The following HMGCLL1 variants were observed in gnomAD, a reference collection of about 807,000 sequenced individuals.
HMGCLL1 encodes the protein 3-hydroxy-3-methylglutaryl-CoA lyase like 1.
HMGCLL1 carries 36 observed loss-of-function variants against 39.1 expected under a neutral mutation model. That is an observed-to-expected ratio of 0.92 (90% CI 0.71 to 1.22). The LOEUF is 1.22. HMGCLL1 is among the 50% of genes most tolerant of loss of function. The pLI is 0.00. For synonymous variants in HMGCLL1, 149 were observed against 144.0 expected, an observed-to-expected ratio of 1.03 and a Z score of -0.25; for missense variants, 451 against 416.5, an observed-to-expected ratio of 1.08 and a Z score of -0.72.
rs906188245 is a variant in HMGCLL1 at position 55,571,379 on chromosome 6, A to G, written c.108+7569T>C. On this transcript the variant is annotated intron_variant, in intron 1 of 8. Transcript: ENST00000274901. ...ACTGAATTCATTCTTTAAAATATATATTTTGCTCTAAACAATAGTACTGAT... is the reference window on the plus strand; with the variant it reads ...ACTGAATTCATTCTTTAAAATATATGTTTTGCTCTAAACAATAGTACTGAT... Among the ~76,000 whole-genome samples the G allele has an allele frequency of 3.3e-5, 5 of 152,182 alleles. No individual in the cohort carries two copies. The South Asian group carries it at 1.0e-3, about 31-fold the overall frequency.
At chr6:55,675,917 A>G in the HMGCLL1 span, among the ~76,000 whole-genome samples, 1 of 152,094 alleles carries the variant, frequency 6.6e-6, no homozygotes, top group Non-Finnish European at 1.5e-5. Context: ...TTTATTACTC[A>G]TTTTAGAATT....
At chr6:55,666,487 A>C in the HMGCLL1 span, among the ~76,000 whole-genome samples, 5 of 151,768 alleles carry the variant, frequency 3.3e-5, no homozygotes, top group African/African-American at 4.8e-5. Context: ...CAAAGAAAAA[A>C]AAATTACATG....
intron 1 of HMGCLL1, among the ~76,000 whole-genome samples, chr6:55,577,826 G>A (rs1771833666): frequency 6.6e-6 from 1 of 152,194 alleles, no homozygotes; most frequent in South Asian, 2.1e-4. Flanking sequence ...ATATTAACAT[G>A]TGGGAAGATA....
chr6:55,643,984 G>A, the HMGCLL1 span, among the ~76,000 whole-genome samples: 3 of 151,972 alleles, frequency 2.0e-5, no homozygotes, highest in Non-Finnish European at 4.4e-5. Context: ...CTTCCAAACT[G>A]TTCTCCATAG....
At chr6:55,508,123 A>G (rs1423463051) in intron 5 of HMGCLL1, among the ~76,000 whole-genome samples, 5 of 151,770 alleles carry the variant, frequency 3.3e-5, no homozygotes, top group Non-Finnish European at 7.4e-5. Flanking sequence ...AAGAAGTCCT[A>G]TATTTGGAGG....
intron 7 of HMGCLL1, among the ~76,000 whole-genome samples, chr6:55,467,433 A>G (rs1764840947): frequency 6.6e-6 from 1 of 152,092 alleles, no homozygotes; most frequent in Admixed American, 6.6e-5. Context: ...TTTCTGCTCC[A>G]CTTTATATCC....
chr6:55,441,926 AG>A (rs1006106506), intron 7 of HMGCLL1, among the ~76,000 whole-genome samples: 1 of 151,914 alleles, frequency 6.6e-6, no homozygotes, highest in Non-Finnish European at 1.5e-5. Flanking sequence ...CCTAACCTCA[AG>A]TGATCCCCCC....
intron 8 of HMGCLL1, among the ~76,000 whole-genome samples, chr6:55,437,891 GA>G (rs1175184778): frequency 6.6e-6 from 1 of 152,038 alleles, no homozygotes; most frequent in Non-Finnish European, 1.5e-5. Context: ...TTTAAAGTCA[GA>G]TTAGCAGCTC....
intron 7 of HMGCLL1, among the ~76,000 whole-genome samples, chr6:55,442,093 AT>A (rs2127382111): frequency 6.6e-6 from 1 of 152,312 alleles, no homozygotes; most frequent in African/African-American, 2.4e-5. Flanking sequence ...TCAAGGATAT[AT>A]AATATCAATA....
chr6:55,541,012 A>T (rs895190224), intron 3 of HMGCLL1, among the ~76,000 whole-genome samples: 1 of 152,098 alleles, frequency 6.6e-6, no homozygotes, highest in South Asian at 2.1e-4. Flanking sequence ...CAAGGAAATG[A>T]TATCAGGAGT....
chr6:55,643,757 G>A, the HMGCLL1 span, among the ~76,000 whole-genome samples: 1 of 151,958 alleles, frequency 6.6e-6, no homozygotes, highest in Non-Finnish European at 1.5e-5. Flanking sequence ...ATGACCTCCA[G>A]TTCCATCAAC....
rs894118752 is a variant in HMGCLL1 at position 55,513,469 on chromosome 6, T to C, written c.542+579A>G. On this transcript the variant is annotated intron_variant, in intron 5 of 8. Coordinates refer to ENST00000274901, the MANE Select transcript of HMGCLL1 (RefSeq NM_001042406.2). Reference sequence around the variant, plus strand: ...GTTTATATTTATCTTCTATAAGCAATTTATCAAGTATTTTTAAACAGTGTT... The same window carrying C: ...GTTTATATTTATCTTCTATAAGCAACTTATCAAGTATTTTTAAACAGTGTT... The C allele has an allele frequency of 2.6e-5, 4 of 152,162 alleles. No individual in the cohort carries two copies. In the East Asian group the frequency reaches 7.7e-4, roughly 29 times the overall value. The allele number at this position is 152,162 out of a possible 1,614,324, so 9.4% of individuals were successfully genotyped here. A position where few individuals can be genotyped will look rare whatever the true frequency, so the allele number is the denominator to read the frequency against.
At chr6:55,448,355 T>C (rs1349481142) in intron 7 of HMGCLL1, among the ~76,000 whole-genome samples, 2 of 149,286 alleles carry the variant, frequency 1.3e-5, no homozygotes, top group African/African-American at 4.9e-5. Flanking sequence ...TAAACAGTAC[T>C]ATATATACAA....
the HMGCLL1 span, among the ~76,000 whole-genome samples, chr6:55,611,245 G>A: frequency 6.6e-6 from 1 of 152,126 alleles, no homozygotes; most frequent in Non-Finnish European, 1.5e-5. Flanking sequence ...AGAATCTCTG[G>A]AATGCAGTTA....
At chr6:55,542,854 T>C (rs4475324) in intron 1 of HMGCLL1, among the ~76,000 whole-genome samples, 86,431 of 133,538 alleles carry the variant, frequency 0.65, 28,335 homozygotes, top group Admixed American at 0.71. Flanking sequence ...TATAAATATA[T>C]ATATATTTAT....
At chr6:55,508,068 G>A (rs906593992) in intron 5 of HMGCLL1, among the ~76,000 whole-genome samples, 1 of 151,690 alleles carries the variant, frequency 6.6e-6, no homozygotes, top group Non-Finnish European at 1.5e-5. Context: ...CAGTAAATGT[G>A]AGAAACTCAG....
At chr6:55,609,179 A>G in the HMGCLL1 span, among the ~76,000 whole-genome samples, 1 of 152,298 alleles carries the variant, frequency 6.6e-6, no homozygotes, top group East Asian at 1.9e-4. Flanking sequence ...GGGCTCCCTG[A>G]GGGAGGGGCA....
At position 55,495,607 on chromosome 6, in the gene HMGCLL1, C is replaced by T. The variant is rs1444609273; in HGVS notation, c.607G>A (p.Val203Met). Residue 203 changes from valine (V) to methionine (M), a missense_variant and splice_region_variant, in exon 7 of 9, where the codon GTG (valine) becomes ATG (methionine). Val to Met is a conservative substitution (Grantham distance 21). Transcript: ENST00000274901. ...CCCATGCCGTACAATCTCTTAGACA[C>T]CTGTTGATAAAGGTGAAGTGCTAGT... ...GSITPQKVTEVSKRLYGMGCY... is the reference protein window; with the variant it reads ...GSITPQKVTEMSKRLYGMGCY... 1.3e-6 allele frequency: 2 copies of T among 1,583,602 alleles called. No homozygotes were observed. The highest frequency in any genetic ancestry group is 1.7e-6 in the Non-Finnish European group (2 of 1,164,910).
intron 5 of HMGCLL1, among the ~76,000 whole-genome samples, chr6:55,510,731 T>C (rs954222243): frequency 3.3e-5 from 5 of 151,254 alleles, no homozygotes; most frequent in African/African-American, 4.9e-5. Flanking sequence ...GCATGGCACA[T>C]GTATACATAT....
Sources: gnomAD v4.1 joint callset for allele counts (sites outside exome capture counted in the v4.1 genomes callset) on GRCh38, gnomAD v4.1.1 for gene constraint, MANE v1.5 for transcripts, NCBI Gene and HGNC (gene_info 2026-07-23, HGNC 2026-07-21) for gene names.